The following PHLDB2 variants were observed in gnomAD, a reference collection of about 807,000 sequenced individuals.
PHLDB2 encodes the protein pleckstrin homology-like domain family B member 2.
Under a neutral mutation model 123.6 loss-of-function variants are expected in PHLDB2, and 71 were observed. That is an observed-to-expected ratio of 0.57 (90% CI 0.47 to 0.70). The LOEUF (loss-of-function observed/expected upper bound fraction) is 0.70, where lower values mean the gene tolerates loss of function less well. PHLDB2 is among the 30% of genes least tolerant of loss of function. The probability of loss-of-function intolerance (pLI) is 0.00; values close to 1 mark genes in which losing one functional copy is unlikely to be tolerated. For synonymous variants in PHLDB2, 547 were observed against 541.6 expected (o/e 1.01, Z -0.14); for missense variants, 1,446 against 1,519.5 (o/e 0.95, Z 0.80).
chr3:111,834,416 G>A (rs903811820), intron 1 of PHLDB2, among the ~76,000 whole-genome samples: 4 of 146,196 alleles, frequency 2.7e-5, no homozygotes, highest in African/African-American at 1.0e-4. Context: ...CACACATATA[G>A]CTTTACAACT....
chr3:111,862,718 T>C (rs998168287), intron 1 of PHLDB2, among the ~76,000 whole-genome samples: 1 of 152,214 alleles, frequency 6.6e-6, no homozygotes, highest in African/African-American at 2.4e-5. Flanking sequence ...CAGCAGATTC[T>C]TTTGTCCTTG....
intron 1 of PHLDB2, among the ~76,000 whole-genome samples, chr3:111,799,633 A>G (rs2061308000): frequency 6.6e-6 from 1 of 152,222 alleles, no homozygotes; most frequent in African/African-American, 2.4e-5. Flanking sequence ...TGGGTACTGA[A>G]TTAAGTTTTT....
At chr3:111,815,242 A>G (rs1337766239) in intron 1 of PHLDB2, among the ~76,000 whole-genome samples, 1 of 152,196 alleles carries the variant, frequency 6.6e-6, no homozygotes, top group Admixed American at 6.5e-5. Flanking sequence ...GGACTAATAC[A>G]GTATATTGGT....
chr3:111,756,536 G>A (rs1422840153), intron 1 of PHLDB2, among the ~76,000 whole-genome samples: 2 of 152,136 alleles, frequency 1.3e-5, no homozygotes, highest in African/African-American at 2.4e-5. Flanking sequence ...TTGAGCCTAT[G>A]TGTGTCTCTG....
intron 14 of PHLDB2, among the ~76,000 whole-genome samples, chr3:111,967,118 G>A (rs765839754): frequency 9.2e-5 from 14 of 151,962 alleles, no homozygotes; most frequent in Non-Finnish European, 1.6e-4. Flanking sequence ...AAAATCCCAC[G>A]TTTTTATGAC....
chr3:111,900,113 C>T (rs1028078717), intron 2 of PHLDB2, among the ~76,000 whole-genome samples: 3 of 152,210 alleles, frequency 2.0e-5, no homozygotes, highest in Admixed American at 6.5e-5. Context: ...CTTCATAGAA[C>T]TGAAGAGAGT....
Position 111,845,677 on chromosome 3 carries a change from C to T in PHLDB2, c.-48-144C>T, listed in dbSNP as rs950150736. ...AGTGGAATAACAGAGTGATCCAGGA[C>T]GTCTGTTTTTCAACTTCAGCAGTAG... On this transcript the variant is annotated intron_variant, in intron 1 of 17. Coordinates refer to the PHLDB2 transcript ENST00000393923. The T allele has an allele frequency of 1.1e-4, 90 of 838,074 alleles. 1 individual carries two copies. In the South Asian group the frequency reaches 1.5e-3, roughly 14 times the overall value. The allele number at this position is 838,074 out of a possible 1,614,324, so 51.9% of individuals were successfully genotyped here.
rs771923102 is a variant in PHLDB2 at position 111,884,401 on chromosome 3, A to T, written c.324A>T (p.Pro108=). The T allele has an allele frequency of 6.2e-7, 1 of 1,614,128 alleles. No homozygotes were observed. The highest frequency in any genetic ancestry group is 8.5e-7 in the Non-Finnish European group (1 of 1,180,024). The part of the protein sequence containing the change: ...GTDKNIPMKP[P]TPLLNTTSSL... ...ACAAAAATATTCCTATGAAACCTCC[A>T]ACTCCTTTACTCAACACTACATCCT... The change falls in exon 2 of 18, where the codon CCA becomes CCT. Residue 108 remains proline (P), a synonymous_variant. Transcript: ENST00000431670.
rs201171421 is a variant in PHLDB2 at position 111,884,943 on chromosome 3, A to G, written c.866A>G (p.Lys289Arg). 5.7e-5 allele frequency: 92 copies of G among 1,614,138 alleles called. No homozygotes were observed. In the Middle Eastern group the frequency reaches 1.3e-3, roughly 23 times the overall value. Residue 289 changes from lysine to arginine, a missense_variant, in exon 2 of 18, where the codon AAG becomes AGG. By Grantham distance (26) the Lys-to-Arg change is conservative. This residue lies in a region of PHLDB2 where 832 missense variants were observed against 831.9 expected (regional missense o/e 1.00). Coordinates refer to ENST00000431670, the MANE Select transcript of PHLDB2 (RefSeq NM_001134438.2). Reference sequence around the variant, plus strand: ...TCCAAACGAACAAAACTTGGGGAAAAGGATCTACCTCATAGCGTAATAGAC... The same window carrying G: ...TCCAAACGAACAAAACTTGGGGAAAGGGATCTACCTCATAGCGTAATAGAC... ...GNSKRTKLGE[K>R]DLPHSVIDND... is the part of the protein sequence containing the mutation.
Position 111,885,325 on chromosome 3 carries a change from T to C in PHLDB2, c.1248T>C (p.Ile416=). The C allele has an allele frequency of 6.2e-7, 1 of 1,614,110 alleles. No homozygotes were observed. Among genetic ancestry groups the C allele is most frequent in the Non-Finnish European group, 8.5e-7 (1 of 1,180,028 alleles). ...QPALRERKSS[I]SSISGRDDLM... ...CCCTTCGGGAACGGAAAAGCAGTAT[T>C]AGCTCCATTTCAGGACGTGATGACC... Residue 416 remains isoleucine, a synonymous_variant, in exon 2 of 18, where the codon ATT becomes ATC. Coordinates refer to ENST00000431670, the MANE Select transcript of PHLDB2 (RefSeq NM_001134438.2).
chr3:111,973,192 G>T (rs2072323593), intron 16 of PHLDB2, among the ~76,000 whole-genome samples: 1 of 152,086 alleles, frequency 6.6e-6, no homozygotes, highest in South Asian at 2.1e-4. Context: ...GGAAATTGTT[G>T]CATTGAAAGG....
At chr3:111,780,404 AAGAAG>A (rs2060416076) in intron 1 of PHLDB2, among the ~76,000 whole-genome samples, 1 of 146,102 alleles carries the variant, frequency 6.8e-6, no homozygotes, top group African/African-American at 2.6e-5. Flanking sequence ...GAAGAAGAAG[AAGAAG>A]AAAAAGATTA....
chr3:111,786,077 G>C (rs558677068), intron 1 of PHLDB2, among the ~76,000 whole-genome samples: 1 of 152,150 alleles, frequency 6.6e-6, no homozygotes, highest in East Asian at 1.9e-4. Flanking sequence ...TATCTATGGA[G>C]GATTGGTTCT....
chr3:111,835,406 G>A (rs539250058), intron 1 of PHLDB2, among the ~76,000 whole-genome samples: 2 of 152,202 alleles, frequency 1.3e-5, no homozygotes, highest in East Asian at 3.9e-4. Context: ...AATGTGAAAC[G>A]GATGGCACAC....
rs1468508994 is a variant in PHLDB2, at chr3:111,884,298, C to T, written c.221C>T (p.Pro74Leu). 6.2e-7 allele frequency: 1 copy of T among 1,614,068 alleles called. No homozygotes were observed. The highest frequency in any genetic ancestry group is 8.5e-7 in the Non-Finnish European group (1 of 1,180,038). The change falls in exon 2 of 18, where the codon CCT (proline) becomes CTT (leucine). Residue 74 changes from proline to leucine, a missense_variant. Physicochemically the swap from Pro to Leu is moderately conservative, Grantham distance 98. This residue lies in a region of PHLDB2 where 832 missense variants were observed against 831.9 expected (regional missense o/e 1.00). Coordinates refer to ENST00000431670, the MANE Select transcript of PHLDB2 (RefSeq NM_001134438.2). ...GTGCCTGCAAAGAGAAGCCCTTCTCCTTTGGGAACCAGTGTCAGAAGCAGC... is the reference window on the plus strand; with the variant it reads ...GTGCCTGCAAAGAGAAGCCCTTCTCTTTTGGGAACCAGTGTCAGAAGCAGC... ...QPVPAKRSPS[P>L]LGTSVRSSPS...
At chr3:111,971,307 C>T (rs559556632) in intron 16 of PHLDB2, among the ~76,000 whole-genome samples, 1 of 152,168 alleles carries the variant, frequency 6.6e-6, no homozygotes, top group South Asian at 2.1e-4. Context: ...CTCTGTGAGC[C>T]TTATTTCATT....
At chr3:111,766,417 G>A (rs781708503) in intron 1 of PHLDB2, among the ~76,000 whole-genome samples, 1 of 146,618 alleles carries the variant, frequency 6.8e-6, no homozygotes, top group African/African-American at 2.6e-5. Flanking sequence ...GCACTCCATC[G>A]TGGGCGACAG....
intron 1 of PHLDB2, among the ~76,000 whole-genome samples, chr3:111,785,809 G>A (rs2060658302): frequency 6.6e-6 from 1 of 152,108 alleles, no homozygotes; most frequent in South Asian, 2.1e-4. Flanking sequence ...AGGATAGTCA[G>A]AGAAGGGCAA....
intron 1 of PHLDB2, among the ~76,000 whole-genome samples, chr3:111,759,693 TGCAACCC>T (rs2059961313): frequency 6.6e-6 from 1 of 152,248 alleles, no homozygotes; most frequent in Non-Finnish European, 1.5e-5. Flanking sequence ...TCAGTCATCA[TGCAACCC>T]TATAAGGTGG....
Sources: gnomAD v4.1 joint callset for allele counts (sites outside exome capture counted in the v4.1 genomes callset) on GRCh38, gnomAD v4.1.1 for gene constraint, gnomAD v4.1.1 regional missense constraint, MANE v1.5 for transcripts, NCBI Gene and HGNC (gene_info 2026-07-23, HGNC 2026-07-21) for gene names.